The following ING5 variants were observed in gnomAD, a reference collection of about 807,000 sequenced individuals.
The protein encoded by ING5 is inhibitor of growth family member 5.
ING5 carries 17 observed loss-of-function variants against 37.4 expected under a neutral mutation model. The ratio of observed to expected loss-of-function variants is 0.45; its 90% confidence interval spans 0.31 to 0.68. The LOEUF (loss-of-function observed/expected upper bound fraction) is 0.68. Among genes scored for constraint, ING5 ranks in the 30% least tolerant of loss-of-function variants. The pLI is 0.05. For missense variants in ING5, 233 were observed against 311.9 expected, an observed-to-expected ratio of 0.75 and a Z score of 1.91; for synonymous variants, 123 against 116.6, an observed-to-expected ratio of 1.06 and a Z score of -0.36.
At chr2:241,695,942 T>G (rs2069623500) in intron 2 of ING5, among the ~76,000 whole-genome samples, 1 of 152,192 alleles carries the variant, frequency 6.6e-6, no homozygotes, top group South Asian at 2.1e-4. Context: ...CAGCTAAAAA[T>G]GTAAGACAGG....
rs542353808 is a variant in ING5, at chr2:241,723,965, G to A, written c.680+694G>A. 3.5e-4 allele frequency: 439 copies of A among 1,244,788 alleles called. 3 individuals carry two copies. In the African/African-American group the frequency reaches 4.5e-3, roughly 13 times the overall value. 77.1% of individuals were successfully genotyped at this position (1,244,788 alleles called of 1,614,324 possible). On this transcript the variant is annotated intron_variant, in intron 7 of 7. Coordinates refer to ENST00000313552, the MANE Select transcript of ING5 (RefSeq NM_032329.6). ...TCCGAGGCTTCAGTGAGCTGAGATC[G>A]CGCCACTGCACTCCAGCCTGGGCGA...
upstream of ING5, chr2:241,687,045 G>T: frequency 2.3e-6 from 1 of 428,982 alleles, no homozygotes; most frequent in Non-Finnish European, 3.9e-6. Flanking sequence ...CTCCGTCCTC[G>T]GGCGAGCAGG....
chr2:241,702,594 G>A (rs1043653902), intron 1 of ING5, among the ~76,000 whole-genome samples: 7 of 152,272 alleles, frequency 4.6e-5, no homozygotes, highest in Admixed American at 1.3e-4. Flanking sequence ...TGTGACCGCG[G>A]CTGGGGAGGG....
intron 5 of ING5, among the ~76,000 whole-genome samples, chr2:241,717,599 C>A (rs1240599823): frequency 1.3e-5 from 2 of 151,860 alleles, no homozygotes; most frequent in East Asian, 1.9e-4. Flanking sequence ...TTTAGGTTGA[C>A]CTTTTTTCTT....
At chr2:241,699,797 T>C (rs2069685736), upstream of ING5, among the ~76,000 whole-genome samples, 1 of 151,880 alleles carries the variant, frequency 6.6e-6, no homozygotes, top group South Asian at 2.1e-4. Context: ...GAGACAGGAC[T>C]GGGAAGTGAC....
At chr2:241,690,969 G>A (rs141460368) in intron 2 of ING5, among the ~76,000 whole-genome samples, 5,490 of 151,448 alleles carry the variant, frequency 0.036, 288 homozygotes, top group East Asian at 0.21. Flanking sequence ...CACAACACCC[G>A]GCTAATTTTT....
chr2:241,692,858 A>G (rs2069574864), intron 2 of ING5, among the ~76,000 whole-genome samples: 1 of 151,614 alleles, frequency 6.6e-6, no homozygotes, highest in South Asian at 2.1e-4. Flanking sequence ...GCCTTGTTAA[A>G]CTCTTTCTCT....
chr2:241,719,359 C>T (rs2070367340), intron 5 of ING5: 2 of 653,838 alleles, frequency 3.1e-6, no homozygotes, highest in African/African-American at 1.8e-5. Flanking sequence ...CGGACGCCGC[C>T]CCCAACCCCC....
chr2:241,719,204 T>A (rs1410491769), intron 5 of ING5, among the ~76,000 whole-genome samples: 3 of 152,234 alleles, frequency 2.0e-5, no homozygotes, highest in Non-Finnish European at 4.4e-5. Flanking sequence ...AACTCCGAGG[T>A]TGCAGGGATT....
chr2:241,699,536 A>T (rs2124864033), upstream of ING5, among the ~76,000 whole-genome samples: 1 of 152,126 alleles, frequency 6.6e-6, no homozygotes, highest in African/African-American at 2.4e-5. Context: ...TCAGCCTCTC[A>T]TGGTGATCAT....
intron 7 of ING5, chr2:241,724,097 C>T (rs752314149): frequency 1.5e-5 from 19 of 1,308,260 alleles, no homozygotes; most frequent in Admixed American, 3.5e-5. Flanking sequence ...AAAATGAAAT[C>T]GGAATGTGCT....
Position 241,722,625 on chromosome 2 carries a change from C to T in ING5, c.483-314C>T. ...GCGCCTTCTTAGAACATTGCGTGTTCAGAGGGGTTATTGAGGTTTTGAAAA... is the reference window on the plus strand; with the variant it reads ...GCGCCTTCTTAGAACATTGCGTGTTTAGAGGGGTTATTGAGGTTTTGAAAA... On this transcript the variant is annotated intron_variant, in intron 5 of 7. Coordinates refer to ENST00000313552, the MANE Select transcript of ING5 (RefSeq NM_032329.6). The T allele has an allele frequency of 3.0e-6, 3 of 985,346 alleles. No individual in the cohort carries two copies. The African/African-American group carries it at 5.2e-5, about 17-fold the overall frequency. 61.0% of individuals were successfully genotyped at this position (985,346 alleles called of 1,614,324 possible).
chr2:241,718,519 C>A (rs113649532), intron 5 of ING5, among the ~76,000 whole-genome samples: 1 of 150,476 alleles, frequency 6.6e-6, no homozygotes, highest in Non-Finnish European at 1.5e-5. Flanking sequence ...CAAGTTCAAG[C>A]GATTCTCTGC....
At chr2:241,696,702 T>C (rs1269748329) in intron 2 of ING5, among the ~76,000 whole-genome samples, 1 of 152,052 alleles carries the variant, frequency 6.6e-6, no homozygotes, top group East Asian at 1.9e-4. Flanking sequence ...ACAGGTCCTT[T>C]GAACCCAGGA....
intron 5 of ING5, among the ~76,000 whole-genome samples, chr2:241,713,472 G>A (rs559528347): frequency 1.7e-4 from 25 of 148,474 alleles, no homozygotes; most frequent in Middle Eastern, 7.1e-3. Flanking sequence ...CCAGGTTCAA[G>A]CAGTTCTCCT....
chr2:241,727,259 G>T lies in ING5; in HGVS notation c.*2228G>T, dbSNP rs1483918691. On this transcript the variant is annotated 3_prime_UTR_variant, in exon 8 of 8. Transcript: ENST00000313552. ...GCTGGGAGATGAATTTTCATTTAAT[G>T]ACTTAACTTTTTGTTAGCACAGGTT... 6.6e-6 allele frequency: 1 copy of T among 152,138 alleles called. No homozygotes were observed. The highest frequency in any genetic ancestry group is 6.6e-5 in the Admixed American group (1 of 15,266). The allele number at this position is 152,138 out of a possible 1,614,324, so 9.4% of individuals were successfully genotyped here. A position where few individuals can be genotyped will look rare whatever the true frequency, so the allele number is the denominator to read the frequency against.
chr2:241,696,633 A>T (rs2069633788), intron 2 of ING5, among the ~76,000 whole-genome samples: 1 of 152,120 alleles, frequency 6.6e-6, no homozygotes, highest in Non-Finnish European at 1.5e-5. Context: ...AAAAAAAATT[A>T]AAAATTAGCC....
At chr2:241,724,868 TCTCCTGGTGCC>T in intron 7 of ING5, 110 bp from the exon 8 acceptor site, 1 of 993,602 alleles carries the variant, frequency 1.0e-6, no homozygotes. Context: ...TGCGTGTGCC[TCTCCTGGTGCC>T]CTCCTGCCGG....
rs1331309011 is a variant in ING5 at position 241,727,998 on chromosome 2, G to A, written c.*2967G>A. ...AGTTTCTGTGCTTAGTGTTTTTAAT[G>A]TTTACTTTTGCCACTTACAATAATA... On this transcript the variant is annotated 3_prime_UTR_variant, in exon 8 of 8. Coordinates refer to ENST00000313552, the MANE Select transcript of ING5 (RefSeq NM_032329.6). The A allele has an allele frequency of 6.6e-6, 1 of 152,216 alleles. No individual in the cohort carries two copies. Among genetic ancestry groups the A allele is most frequent in the Non-Finnish European group, 1.5e-5 (1 of 68,038 alleles). The allele number at this position is 152,216 out of a possible 1,614,324, so 9.4% of individuals were successfully genotyped here. A position where few individuals can be genotyped will look rare whatever the true frequency, so the allele number is the denominator to read the frequency against.
Sources: gnomAD v4.1 joint callset for allele counts (sites outside exome capture counted in the v4.1 genomes callset) on GRCh38, gnomAD v4.1.1 for gene constraint, MANE v1.5 for transcripts, NCBI Gene and HGNC (gene_info 2026-07-23, HGNC 2026-07-21) for gene names.